Variants in GNG2 observed in about 807,000 individuals in gnomAD.
The protein encoded by GNG2 is guanine nucleotide-binding protein G(I)/G(S)/G(O) subunit gamma-2.
In GNG2, 5 loss-of-function variants were observed where a neutral mutation model predicts 5.5. The ratio of observed to expected loss-of-function variants is 0.91; its 90% confidence interval spans 0.48 to 1.92. The LOEUF (loss-of-function observed/expected upper bound fraction) is 1.92, where lower values mean the gene tolerates loss of function less well. Among genes scored for constraint, GNG2 ranks in the 30% most tolerant of loss-of-function variants. GNG2 has a pLI of 0.01. For synonymous variants in GNG2, 28 were observed against 32.0 expected (o/e 0.88, Z 0.42); for missense variants, 55 against 88.4 (o/e 0.62, Z 1.52).
Position 51,966,231 on chromosome 14 carries a change from A to AGAAAAAG in GNG2, c.88-328_88-327insGAAAAAG, listed in dbSNP as rs1160346668. On this transcript the variant is annotated intron_variant, in intron 3 of 3. Transcript: ENST00000556766. ...TCTCAAAAAAAAAAAAAAAAAAAAA[A>AGAAAAAG]AAAAAACAAATGAAGGAGACAGCCA... Among the ~76,000 whole-genome samples, 4 of 108,498 alleles carry AGAAAAAG rather than the reference A, an allele frequency of 3.7e-5. No homozygotes were observed. In the Admixed American group the frequency reaches 4.3e-4, roughly 12 times the overall value. 71.2% of individuals were successfully genotyped at this position (108,498 alleles called of 152,430 possible). A position where few individuals can be genotyped will look rare whatever the true frequency, so the allele number is the denominator to read the frequency against.
chr14:51,840,345 T>C (rs568566249), intron 2 of GNG2, among the ~76,000 whole-genome samples: 1 of 152,338 alleles, frequency 6.6e-6, no homozygotes, highest in South Asian at 2.1e-4. Flanking sequence ...GTGACATCTA[T>C]AAAATGTTCC....
At chr14:51,947,225 A>G (rs1395878613) in intron 2 of GNG2, among the ~76,000 whole-genome samples, 1 of 151,848 alleles carries the variant, frequency 6.6e-6, no homozygotes, top group Non-Finnish European at 1.5e-5. Context: ...CAGAATAACA[A>G]CCCCCCAAAG....
intron 1 of GNG2, among the ~76,000 whole-genome samples, chr14:51,868,652 C>G (rs937614856): frequency 6.6e-6 from 1 of 152,166 alleles, no homozygotes; most frequent in African/African-American, 2.4e-5. Context: ...GCAGAAGGTG[C>G]AGGTGCCTTT....
intron 2 of GNG2, among the ~76,000 whole-genome samples, chr14:51,915,573 TC>T (rs1886571146): frequency 6.6e-6 from 1 of 152,200 alleles, no homozygotes; most frequent in African/African-American, 2.4e-5. Context: ...TTAGAAGCCA[TC>T]CGTTCTCTTT....
intron 2 of GNG2, among the ~76,000 whole-genome samples, chr14:51,936,129 C>T (rs1297787836): frequency 6.6e-6 from 1 of 152,134 alleles, no homozygotes; most frequent in Admixed American, 6.5e-5. Flanking sequence ...CCACTCTGGG[C>T]TCCATGCTTT....
At chr14:51,853,000 T>C (rs1400388318) in intron 2 of GNG2, among the ~76,000 whole-genome samples, 4 of 152,228 alleles carry the variant, frequency 2.6e-5, no homozygotes, top group African/African-American at 9.7e-5. Flanking sequence ...AAAATCACTA[T>C]CACATTTCCC....
intron 2 of GNG2, among the ~76,000 whole-genome samples, chr14:51,928,757 T>G (rs1390685541): frequency 6.6e-6 from 1 of 152,188 alleles, no homozygotes; most frequent in Non-Finnish European, 1.5e-5. Flanking sequence ...CGGCTTATAT[T>G]TATGACTAAT....
intron 2 of GNG2, among the ~76,000 whole-genome samples, chr14:51,943,361 AAACCTTT>A (rs762388530): frequency 1.3e-5 from 2 of 152,202 alleles, no homozygotes; most frequent in Non-Finnish European, 2.9e-5. Flanking sequence ...TAATGAATTC[AAACCTTT>A]ATTCTCTCTT....
chr14:51,932,245 TCAAAA>T (rs1887702691), intron 2 of GNG2, among the ~76,000 whole-genome samples: 1 of 10,218 alleles, frequency 9.8e-5, no homozygotes, highest in Non-Finnish European at 1.7e-4. Context: ...AGACTCTGTC[TCAAAA>T]AAAAAAAAAA....
chr14:51,917,205 C>T (rs977069842), intron 2 of GNG2: 11 of 366,924 alleles, frequency 3.0e-5, no homozygotes, highest in African/African-American at 2.3e-4. Flanking sequence ...AAATTTCTTC[C>T]ATCATAGTGA....
chr14:51,846,709 A>G (rs1229896290), intron 2 of GNG2, among the ~76,000 whole-genome samples: 2 of 152,156 alleles, frequency 1.3e-5, no homozygotes, highest in Admixed American at 1.3e-4. Flanking sequence ...GCCCGTCACC[A>G]TGCCAACACC....
chr14:51,877,270 ATTGT>A (rs1265433217), intron 1 of GNG2, among the ~76,000 whole-genome samples: 1 of 152,122 alleles, frequency 6.6e-6, no homozygotes, highest in Non-Finnish European at 1.5e-5. Flanking sequence ...AGGAGGAAAG[ATTGT>A]TCTTATTCAT....
intron 2 of GNG2, among the ~76,000 whole-genome samples, chr14:51,932,272 A>AAGG (rs1887712828): frequency 1.5e-5 from 1 of 65,094 alleles, no homozygotes; most frequent in African/African-American, 7.8e-5. Flanking sequence ...AAAAAAAAAA[A>AAGG]GAAAAGAAAA....
intron 2 of GNG2, among the ~76,000 whole-genome samples, chr14:51,831,383 T>C (rs1881183202): frequency 6.6e-6 from 1 of 152,210 alleles, no homozygotes; most frequent in Non-Finnish European, 1.5e-5. Flanking sequence ...CACTGCATAG[T>C]CCCCAGTACT....
chr14:51,888,968 A>G (rs1301710533), intron 2 of GNG2, among the ~76,000 whole-genome samples: 1 of 152,208 alleles, frequency 6.6e-6, no homozygotes, highest in Non-Finnish European at 1.5e-5. Context: ...TAGACACAAC[A>G]GGCTACATAT....
At chr14:51,909,777 G>A (rs1451093034) in intron 2 of GNG2, among the ~76,000 whole-genome samples, 2 of 152,224 alleles carry the variant, frequency 1.3e-5, no homozygotes, top group African/African-American at 4.8e-5. Context: ...TCTGTGCATT[G>A]ATGAAGGCAC....
At chr14:51,832,206 G>C (rs1043150135) in intron 2 of GNG2, among the ~76,000 whole-genome samples, 7 of 151,886 alleles carry the variant, frequency 4.6e-5, no homozygotes, top group Non-Finnish European at 7.4e-5. Flanking sequence ...CTTGACCCCA[G>C]GAGTTCAAGG....
chr14:51,944,625 G>A (rs563982234), intron 2 of GNG2, among the ~76,000 whole-genome samples: 14 of 152,244 alleles, frequency 9.2e-5, no homozygotes, highest in South Asian at 6.2e-4. Context: ...GAAGTTGGCC[G>A]TAACACTGTG....
At chr14:51,965,457 G>A (rs190310513) in intron 3 of GNG2, among the ~76,000 whole-genome samples, 21 of 152,196 alleles carry the variant, frequency 1.4e-4, no homozygotes, top group African/African-American at 4.8e-4. Flanking sequence ...CTAAATCCAC[G>A]CTCTAATGTA....
Sources: gnomAD v4.1 joint callset for allele counts (sites outside exome capture counted in the v4.1 genomes callset) on GRCh38, gnomAD v4.1.1 for gene constraint, MANE v1.5 for transcripts, NCBI Gene and HGNC (gene_info 2026-07-23, HGNC 2026-07-21) for gene names.